The following JPH1 variants were observed in gnomAD, a reference collection of about 807,000 sequenced individuals.
JPH1 encodes junctophilin 1, also known as junctophilin-1.
A neutral mutation model predicts 53.6 loss-of-function variants in JPH1; 12 were observed. That is an observed-to-expected ratio of 0.22 (90% confidence interval 0.14 to 0.36). The LOEUF (loss-of-function observed/expected upper bound fraction) is 0.36. Among genes scored for constraint, JPH1 ranks in the 10% least tolerant of loss-of-function variants. JPH1 has a pLI of 1.00. For synonymous variants in JPH1, 375 were observed against 363.8 expected (o/e 1.03, Z -0.35); for missense variants, 808 against 905.5 (o/e 0.89, Z 1.38).
At chr8:74,319,793 C>G (rs1808262970) in intron 1 of JPH1, among the ~76,000 whole-genome samples, 1 of 152,188 alleles carries the variant, frequency 6.6e-6, no homozygotes, top group African/African-American at 2.4e-5. Context: ...TCCTACAACC[C>G]TTTTCAACTA....
At chr8:74,292,431 A>T (rs2131434399) in intron 2 of JPH1, among the ~76,000 whole-genome samples, 1 of 152,178 alleles carries the variant, frequency 6.6e-6, no homozygotes, top group Admixed American at 6.5e-5. Context: ...ACTAATACAC[A>T]CTGCGGAGGG....
chr8:74,246,186 C>A (rs1029209210), intron 3 of JPH1, among the ~76,000 whole-genome samples: 1 of 152,166 alleles, frequency 6.6e-6, no homozygotes, highest in Non-Finnish European at 1.5e-5. Context: ...GTGCAACTGA[C>A]CCTCTTCCTC....
At chr8:74,264,023 A>G (rs1424113792) in intron 2 of JPH1, among the ~76,000 whole-genome samples, 2 of 152,306 alleles carry the variant, frequency 1.3e-5, no homozygotes, top group East Asian at 3.9e-4. Flanking sequence ...AGTTACCTGC[A>G]CCTAGTAAGA....
intron 2 of JPH1, among the ~76,000 whole-genome samples, chr8:74,305,192 C>T (rs549901461): frequency 5.3e-5 from 8 of 152,320 alleles, no homozygotes; most frequent in South Asian, 4.1e-4. Context: ...GTCTTGCAAG[C>T]GTCCAGTTTG....
Position 74,235,919 on chromosome 8 carries a change from G to C in JPH1, c.*1132C>G, listed in dbSNP as rs1414875868. 1 of 152,190 alleles carries C rather than the reference G, an allele frequency of 6.6e-6. No individual in the cohort carries two copies. Among genetic ancestry groups the C allele is most frequent in the African/African-American group, 2.4e-5 (1 of 41,466 alleles). 9.4% of individuals were successfully genotyped at this position (152,190 alleles called of 1,614,324 possible). On this transcript the variant is annotated 3_prime_UTR_variant, in exon 6 of 6. Coordinates refer to ENST00000342232, the MANE Select transcript of JPH1 (RefSeq NM_020647.4). Reference sequence around the variant, plus strand: ...AATTTAAGTTGGAAAAAGAAAACAAGAAAGAGCAGAGCAGTTTATTAATAG... The same window carrying C: ...AATTTAAGTTGGAAAAAGAAAACAACAAAGAGCAGAGCAGTTTATTAATAG...
Position 74,315,500 on chromosome 8 carries a change from C to A in JPH1, c.500G>T (p.Arg167Leu), listed in dbSNP as rs1294087636. 2.5e-6 allele frequency: 4 copies of A among 1,605,748 alleles called. No individual in the cohort carries two copies. Among genetic ancestry groups the A allele is most frequent in the Non-Finnish European group, 3.4e-6 (4 of 1,177,036 alleles). Reference sequence around the variant, plus strand: ...CACGCTGCCATTGCTCTGCTCGCTGCGCAGCGAGGCCAGCGAGGTACGCAG... The same window carrying A: ...CACGCTGCCATTGCTCTGCTCGCTGAGCAGCGAGGCCAGCGAGGTACGCAG... Reference protein sequence around the residue: ...SPLRTSLASLRSEQSNGSVLH... With the variant: ...SPLRTSLASLLSEQSNGSVLH... The change falls in exon 2 of 6, where the codon CGC (arginine) becomes CTC (leucine). Residue 167 changes from arginine to leucine, a missense_variant. By Grantham distance (102) the Arg-to-Leu change is moderately radical. Around this residue, in one of 2 missense-constraint regions of JPH1, gnomAD observed 756 missense variants for 811.9 expected, o/e 0.93. Coordinates refer to ENST00000342232, the MANE Select transcript of JPH1 (RefSeq NM_020647.4). This position sits in a 1 kb window ranked among gnomAD's most constrained non-coding sequence, Gnocchi z 6.3.
intron 2 of JPH1, among the ~76,000 whole-genome samples, chr8:74,301,344 T>A (rs547203704): frequency 6.6e-6 from 1 of 152,320 alleles, no homozygotes; most frequent in African/African-American, 2.4e-5. Flanking sequence ...ACCTTGGGAA[T>A]TTTGTTTCTT....
At position 74,315,929 on chromosome 8, in the gene JPH1, C is replaced by T. The variant is rs1808145171; in HGVS notation, c.380-309G>A. Among the ~76,000 whole-genome samples the T allele has an allele frequency of 6.6e-6, 1 of 152,198 alleles. No homozygotes were observed. On this transcript the variant is annotated intron_variant, in intron 1 of 5. Coordinates refer to ENST00000342232, the MANE Select transcript of JPH1 (RefSeq NM_020647.4). The surrounding 1 kb of genome is among the most constrained non-coding windows in gnomAD (Gnocchi z 6.3). ...AAAGTGAACACTGGGAAACAACATT[C>T]TCCTCTGAAATTAATGCATCAAAAA...
intron 2 of JPH1, among the ~76,000 whole-genome samples, chr8:74,289,333 C>G (rs565608621): frequency 6.6e-6 from 1 of 152,336 alleles, no homozygotes; most frequent in South Asian, 2.1e-4. Context: ...TGACCTTCTT[C>G]AGAGAAAGGT....
chr8:74,317,113 G>C (rs1394671678), intron 1 of JPH1, among the ~76,000 whole-genome samples: 1 of 152,102 alleles, frequency 6.6e-6, no homozygotes, highest in African/African-American at 2.4e-5. Context: ...CAAAACACCG[G>C]GCAAAAATGC....
intron 2 of JPH1, among the ~76,000 whole-genome samples, chr8:74,279,430 A>G (rs761663876): frequency 6.6e-5 from 10 of 152,096 alleles, no homozygotes; most frequent in Non-Finnish European, 1.2e-4. Context: ...TAGTCCTAAA[A>G]CCAGGGCTGC....
intron 2 of JPH1, among the ~76,000 whole-genome samples, chr8:74,273,836 T>C (rs1272992427): frequency 2.6e-5 from 4 of 152,202 alleles, no homozygotes; most frequent in Admixed American, 2.0e-4. Flanking sequence ...TCTTCTTTCT[T>C]ATGCCCTGGG....
chr8:74,282,008 T>C (rs541055400), intron 2 of JPH1, among the ~76,000 whole-genome samples: 2 of 152,310 alleles, frequency 1.3e-5, no homozygotes, highest in East Asian at 1.9e-4. Context: ...AAATGTTCCA[T>C]AGTTCCCTGT....
rs1221637656 is a variant in JPH1 at position 74,234,886 on chromosome 8, A to G, written c.*2165T>C. 6.6e-6 allele frequency: 1 copy of G among 152,666 alleles called. No individual in the cohort carries two copies. The highest frequency in any genetic ancestry group is 1.9e-4 in the East Asian group (1 of 5,204). 9.5% of individuals were successfully genotyped at this position (152,666 alleles called of 1,614,324 possible). On this transcript the variant is annotated 3_prime_UTR_variant, in exon 6 of 6. Transcript: ENST00000342232. ...CATTGGCAGACTTCATGTGCTGTCC[A>G]AAATGTTGAGTACAGTATAACAACC...
chr8:74,246,716 AG>A (rs1362074583), intron 3 of JPH1, among the ~76,000 whole-genome samples: 2 of 152,202 alleles, frequency 1.3e-5, no homozygotes, highest in African/African-American at 2.4e-5. Context: ...AGTTATACTC[AG>A]GGCACAAAAC....
At chr8:74,305,572 T>C (rs986751227) in intron 2 of JPH1, among the ~76,000 whole-genome samples, 1 of 152,238 alleles carries the variant, frequency 6.6e-6, no homozygotes, top group African/African-American at 2.4e-5. Flanking sequence ...GTTTGTACTA[T>C]TTAAGCAAGC....
intron 2 of JPH1, among the ~76,000 whole-genome samples, chr8:74,297,236 G>A (rs1225006770): frequency 2.0e-5 from 3 of 152,166 alleles, no homozygotes; most frequent in Non-Finnish European, 4.4e-5. Flanking sequence ...ATCAGACTCC[G>A]ACGGGCAAGG....
At chr8:74,316,466 AC>A (rs1161906361) in intron 1 of JPH1, among the ~76,000 whole-genome samples, 2 of 152,220 alleles carry the variant, frequency 1.3e-5, no homozygotes, top group African/African-American at 2.4e-5. Flanking sequence ...GTATGAGAAC[AC>A]AAAATTCTCA....
chr8:74,318,778 G>A (rs1220406485), intron 1 of JPH1, among the ~76,000 whole-genome samples: 1 of 152,166 alleles, frequency 6.6e-6, no homozygotes, highest in East Asian at 1.9e-4. Flanking sequence ...AGTGAGAACA[G>A]CAGAAAACAA....
Sources: allele counts gnomAD v4.1 joint callset (sites outside exome capture counted in the v4.1 genomes callset), GRCh38; gene constraint gnomAD v4.1.1; regional missense constraint gnomAD v4.1.1; non-coding constraint Gnocchi (gnomAD v3.1); transcripts MANE v1.5; gene names NCBI Gene and HGNC (gene_info 2026-07-23, HGNC 2026-07-21).